DOCK3: variants seen among roughly 807,000 people sequenced by gnomAD.
The protein encoded by DOCK3 is dedicator of cytokinesis 3, also known as dedicator of cytokinesis protein 3.
Under a neutral mutation model 265.6 loss-of-function variants are expected in DOCK3, and 60 were observed. The observed-to-expected ratio is 0.23, with a 90% CI of 0.18 to 0.28. The LOEUF (loss-of-function observed/expected upper bound fraction) is 0.28. Ranked by LOEUF, DOCK3 falls within the 10% of genes least tolerant of loss-of-function variation. DOCK3 has a pLI of 1.00. For missense variants in DOCK3, 1,981 were observed against 2,594.3 expected, an observed-to-expected ratio of 0.76 and a Z score of 5.14; for synonymous variants, 881 against 938.0, an observed-to-expected ratio of 0.94 and a Z score of 1.11.
rs185946418 is a variant in DOCK3, at chr3:51,218,084, C to T, written c.1252+3837C>T. Among the ~76,000 whole-genome samples the T allele has an allele frequency of 5.9e-5, 9 of 151,852 alleles. No homozygotes were observed. The East Asian group carries it at 1.7e-3, about 29-fold the overall frequency. On this transcript the variant is annotated intron_variant, in intron 14 of 52. Coordinates refer to ENST00000266037, the MANE Select transcript of DOCK3 (RefSeq NM_004947.5). ...AGTGAGCCAAGATGGCGCCACTGCA[C>T]TCCAGCCTGGATGACAGCGAGACCC...
chr3:50,825,683 A>T (rs1395539177), intron 2 of DOCK3, among the ~76,000 whole-genome samples: 1 of 152,048 alleles, frequency 6.6e-6, no homozygotes, highest in African/African-American at 2.4e-5. Context: ...TGGCTCTCAA[A>T]ATCCTGGCAG....
chr3:51,244,043 C>T (rs1003439342), intron 21 of DOCK3, among the ~76,000 whole-genome samples: 2 of 152,156 alleles, frequency 1.3e-5, no homozygotes, highest in African/African-American at 4.8e-5. Flanking sequence ...TACTTCTGGC[C>T]TATCTTTTCC....
chr3:51,247,802 AT>A (rs2078910514), intron 22 of DOCK3, among the ~76,000 whole-genome samples: 1 of 152,210 alleles, frequency 6.6e-6, no homozygotes, highest in South Asian at 2.1e-4. Flanking sequence ...TATCCGCAGT[AT>A]CCTAAGGGGA....
At chr3:51,356,344 C>T (rs1553869660) in intron 42 of DOCK3, 63 bp from the exon 43 acceptor site, 7 of 1,611,746 alleles carry the variant, frequency 4.3e-6, no homozygotes, top group Non-Finnish European at 5.9e-6. Flanking sequence ...TTTTATCCCT[C>T]AGGTAGGCAG....
intron 5 of DOCK3, among the ~76,000 whole-genome samples, chr3:51,019,866 C>G (rs560856631): frequency 6.6e-6 from 1 of 151,824 alleles, no homozygotes; most frequent in Non-Finnish European, 1.5e-5. Context: ...TTTTCTTTAT[C>G]CAGTCTATCA....
chr3:50,869,369 T>G (rs2047325459), intron 3 of DOCK3, among the ~76,000 whole-genome samples: 1 of 53,874 alleles, frequency 1.9e-5, no homozygotes, highest in Non-Finnish European at 3.7e-5. Context: ...TTTTTTTTTT[T>G]TTTTTTTTTT....
At chr3:50,835,793 A>G (rs997957602) in intron 2 of DOCK3, among the ~76,000 whole-genome samples, 5 of 152,192 alleles carry the variant, frequency 3.3e-5, no homozygotes, top group African/African-American at 1.2e-4. Flanking sequence ...AGACAGTGCA[A>G]TGATTTTACT....
chr3:51,090,361 C>T lies in DOCK3; in HGVS notation c.723C>T (p.Asp241=), dbSNP rs779029507. Residue 241 remains aspartate (D), a synonymous_variant, in exon 9 of 53, where the codon GAC becomes GAT. Coordinates refer to ENST00000266037, the MANE Select transcript of DOCK3 (RefSeq NM_004947.5). The part of the protein sequence containing the change: ...EDTDVFFSLY[D]MREGKQISER... ...CCGATGTCTTCTTTTCCTTATATGA[C>T]ATGAGGGAAGGCAAGCAGATCAGGT... is the stretch of plus-strand genomic sequence containing the variant. 1 of 1,606,688 alleles carries T rather than the reference C, an allele frequency of 6.2e-7. No individual in the cohort carries two copies. Among genetic ancestry groups the T allele is most frequent in the African/African-American group, 1.3e-5 (1 of 74,856 alleles).
chr3:50,809,614 G>A (rs1164211870), intron 2 of DOCK3, among the ~76,000 whole-genome samples: 1 of 152,096 alleles, frequency 6.6e-6, no homozygotes, highest in Non-Finnish European at 1.5e-5. Flanking sequence ...TATCAGCTTT[G>A]TTCATAATAG....
intron 4 of DOCK3, among the ~76,000 whole-genome samples, chr3:50,914,704 C>T (rs2050029476): frequency 6.6e-6 from 1 of 152,072 alleles, no homozygotes; most frequent in Admixed American, 6.5e-5. Context: ...CTGTTTGGTC[C>T]ATTTAATGTA....
At chr3:51,266,488 C>T (rs947979484) in intron 23 of DOCK3, among the ~76,000 whole-genome samples, 6 of 152,102 alleles carry the variant, frequency 3.9e-5, no homozygotes, top group African/African-American at 9.7e-5. Flanking sequence ...GATATATAGA[C>T]GAATGGAACA....
chr3:51,196,655 A>G (rs2088316060), intron 12 of DOCK3, among the ~76,000 whole-genome samples: 1 of 152,184 alleles, frequency 6.6e-6, no homozygotes, highest in Non-Finnish European at 1.5e-5. Context: ...TCTTCTGCCT[A>G]TTCTAGTCTA....
chr3:50,874,530 CAAAA>C, intron 3 of DOCK3, among the ~76,000 whole-genome samples: 1 of 122,368 alleles, frequency 8.2e-6, no homozygotes, highest in South Asian at 2.5e-4. Context: ...AAAAAAAAAA[CAAAA>C]AAAGTATAGG....
intron 5 of DOCK3, among the ~76,000 whole-genome samples, chr3:51,016,554 TATC>T (rs2079261930): frequency 1.1e-3 from 2 of 1,790 alleles, no homozygotes; most frequent in Admixed American, 7.9e-3. Context: ...TATTTATATA[TATC>T]ATATATTATA....
chr3:51,159,841 T>C (rs2086045195), intron 11 of DOCK3, among the ~76,000 whole-genome samples: 1 of 152,246 alleles, frequency 6.6e-6, no homozygotes, highest in African/African-American at 2.4e-5. Context: ...CTCAGACTTA[T>C]TTCAAGTTTA....
At chr3:50,958,086 T>G (rs2076777930) in intron 5 of DOCK3, among the ~76,000 whole-genome samples, 1 of 152,236 alleles carries the variant, frequency 6.6e-6, no homozygotes, top group Non-Finnish European at 1.5e-5. Context: ...GTCTTCTAAT[T>G]TCTCCTGTCT....
In DOCK3 at chr3:51,075,455, A is replaced by G. The variant is rs1351913051; in HGVS notation, c.549+15A>G. 3 of 1,584,516 alleles carry G rather than the reference A, an allele frequency of 1.9e-6. No individual in the cohort carries two copies. Among genetic ancestry groups the G allele is most frequent in the African/African-American group, 1.3e-5 (1 of 74,198 alleles). On this transcript the variant is annotated intron_variant, in intron 7 of 52. Coordinates refer to ENST00000266037, the MANE Select transcript of DOCK3 (RefSeq NM_004947.5). ...TCTATAAGATGGTAAGAAATCTAACATGAGGTAGCTTGTTCCTGCATACCT... is the reference window on the plus strand; with the variant it reads ...TCTATAAGATGGTAAGAAATCTAACGTGAGGTAGCTTGTTCCTGCATACCT...
intron 1 of DOCK3, among the ~76,000 whole-genome samples, chr3:50,742,571 C>T (rs965030808): frequency 1.2e-4 from 18 of 151,920 alleles, no homozygotes; most frequent in African/African-American, 3.1e-4. Flanking sequence ...GGAGCCGATG[C>T]GATCAACTGG....
chr3:51,343,939 G>T (rs2085393423), intron 38 of DOCK3, among the ~76,000 whole-genome samples: 1 of 152,224 alleles, frequency 6.6e-6, no homozygotes. Flanking sequence ...GCTCTCCCAG[G>T]CCAGACAAGG....
Sources: allele counts gnomAD v4.1 joint callset (sites outside exome capture counted in the v4.1 genomes callset), GRCh38; gene constraint gnomAD v4.1.1; transcripts MANE v1.5; gene names NCBI Gene and HGNC (gene_info 2026-07-23, HGNC 2026-07-21).